The following CCSER1 variants were observed in gnomAD, a reference collection of about 807,000 sequenced individuals.
The protein encoded by CCSER1 is coiled-coil serine rich protein 1.
CCSER1 carries 41 observed loss-of-function variants against 82.0 expected under a neutral mutation model. The observed-to-expected ratio is 0.50, with a 90% CI of 0.39 to 0.65. CCSER1 has a LOEUF of 0.65. Ranked by LOEUF, CCSER1 falls within the 30% of genes least tolerant of loss-of-function variation. CCSER1 has a pLI of 0.00. For synonymous variants in CCSER1, 414 were observed against 383.9 expected (o/e 1.08, Z -0.92); for missense variants, 1,119 against 1,064.2 (o/e 1.05, Z -0.72).
intron 6 of CCSER1, among the ~76,000 whole-genome samples, chr4:90,675,068 T>C (rs927687366): frequency 1.3e-5 from 2 of 152,036 alleles, no homozygotes; most frequent in Non-Finnish European, 2.9e-5. Context: ...ACTATCATCA[T>C]TGTGACCTTG....
intron 8 of CCSER1, chr4:90,911,264 A>G (rs758361757): frequency 3.7e-5 from 17 of 455,976 alleles, no homozygotes; most frequent in Admixed American, 1.6e-4. Context: ...GCTCCCGAAA[A>G]TTTTGTGTTC....
At chr4:90,244,371 C>G (rs1333875232) in intron 1 of CCSER1, among the ~76,000 whole-genome samples, 1 of 152,084 alleles carries the variant, frequency 6.6e-6, no homozygotes, top group East Asian at 1.9e-4. Flanking sequence ...ACAAATGGTC[C>G]AGCATTAGAA....
intron 1 of CCSER1, among the ~76,000 whole-genome samples, chr4:90,257,675 C>T (rs1016836775): frequency 4.6e-5 from 7 of 152,056 alleles, no homozygotes; most frequent in Admixed American, 2.6e-4. Context: ...TTGGCTCACA[C>T]GATTATGGAG....
At chr4:90,617,633 C>T (rs908124534) in intron 5 of CCSER1, among the ~76,000 whole-genome samples, 1 of 152,122 alleles carries the variant, frequency 6.6e-6, no homozygotes, top group Non-Finnish European at 1.5e-5. Flanking sequence ...CAGCTTCTAA[C>T]TTATCTAACC....
intron 7 of CCSER1, among the ~76,000 whole-genome samples, chr4:90,800,145 G>A (rs1456820613): frequency 1.3e-5 from 2 of 152,152 alleles, no homozygotes; most frequent in South Asian, 4.1e-4. Flanking sequence ...GGAGGTTTAG[G>A]TAGATAAATA....
chr4:91,534,600 T>C (rs1761205225), intron 10 of CCSER1, among the ~76,000 whole-genome samples: 1 of 152,010 alleles, frequency 6.6e-6, no homozygotes, highest in Non-Finnish European at 1.5e-5. Flanking sequence ...ATTCTATAAG[T>C]GTTGCTACTG....
rs543979725 is a variant in CCSER1, at chr4:90,277,238, A to G, written c.-41-31006A>G. ...TATAGTTAAAATGGTCATACTGCCC[A>G]GAGCAATTTATGGACTTAATGCATT... is the stretch of plus-strand genomic sequence containing the variant. On this transcript the variant is annotated intron_variant, in intron 1 of 10. Transcript: ENST00000509176. Among the ~76,000 whole-genome samples the G allele has an allele frequency of 3.3e-5, 5 of 152,300 alleles. No homozygotes were observed. The East Asian group carries it at 7.7e-4, about 24-fold the overall frequency.
chr4:90,369,492 T>G (rs2153523541), intron 3 of CCSER1, among the ~76,000 whole-genome samples: 1 of 152,000 alleles, frequency 6.6e-6, no homozygotes, highest in East Asian at 1.9e-4. Context: ...AAAAGAACAT[T>G]AGAATACATG....
At chr4:90,383,985 T>A (rs1044993906) in intron 3 of CCSER1, among the ~76,000 whole-genome samples, 1 of 151,572 alleles carries the variant, frequency 6.6e-6, no homozygotes, top group Admixed American at 6.6e-5. Context: ...CTGCGCTTGA[T>A]CTCCTGGGCT....
intron 6 of CCSER1, among the ~76,000 whole-genome samples, chr4:90,651,744 C>A (rs1728791097): frequency 6.6e-6 from 1 of 152,066 alleles, no homozygotes; most frequent in African/African-American, 2.4e-5. Flanking sequence ...AGCGTTCCCC[C>A]TCTAGGACAG....
At chr4:91,367,338 A>G (rs1186827619) in intron 10 of CCSER1, among the ~76,000 whole-genome samples, 1 of 145,102 alleles carries the variant, frequency 6.9e-6, no homozygotes, top group Non-Finnish European at 1.5e-5. Flanking sequence ...AAAAAAAAAA[A>G]GTTAAAATAT....
chr4:90,804,731 C>G (rs982821720), intron 7 of CCSER1, among the ~76,000 whole-genome samples: 2 of 152,124 alleles, frequency 1.3e-5, no homozygotes, highest in Non-Finnish European at 2.9e-5. Context: ...ATTCCAAATA[C>G]AGGCAAAATG....
chr4:90,718,220 A>G (rs893017603), intron 6 of CCSER1, among the ~76,000 whole-genome samples: 1 of 152,250 alleles, frequency 6.6e-6, no homozygotes, highest in Admixed American at 6.5e-5. Flanking sequence ...ATTTAATTTT[A>G]TTAGGTCTAG....
At chr4:90,320,606 G>A (rs182447752) in intron 3 of CCSER1, among the ~76,000 whole-genome samples, 48 of 152,070 alleles carry the variant, frequency 3.2e-4, no homozygotes, top group Non-Finnish European at 5.6e-4. Context: ...TAATATCTTG[G>A]TCAAATATGG....
chr4:90,284,199 G>C (rs1302175655), intron 1 of CCSER1, among the ~76,000 whole-genome samples: 1 of 151,834 alleles, frequency 6.6e-6, no homozygotes, highest in Non-Finnish European at 1.5e-5. Context: ...ATTTATTTGA[G>C]TTCCTTATGT....
intron 6 of CCSER1, among the ~76,000 whole-genome samples, chr4:90,634,722 A>C (rs1725111283): frequency 6.6e-6 from 1 of 151,868 alleles, no homozygotes; most frequent in African/African-American, 2.4e-5. Context: ...AGAAATATCC[A>C]AATCAAGCAA....
At chr4:90,932,980 A>AAGAAAGAAAGAAAGAG (rs1730218042) in intron 9 of CCSER1, among the ~76,000 whole-genome samples, 1 of 21,940 alleles carries the variant, frequency 4.6e-5, no homozygotes, top group Non-Finnish European at 8.5e-5. Flanking sequence ...GAAAGAAAGA[A>AAGAAAGAAAGAAAGAG]AGAGAAAGAA....
intron 5 of CCSER1, among the ~76,000 whole-genome samples, chr4:90,511,213 A>G (rs532879315): frequency 4.9e-4 from 75 of 152,156 alleles, no homozygotes; most frequent in African/African-American, 1.5e-3. Flanking sequence ...AGGTCAAGAG[A>G]TTGAGACCAT....
Position 91,599,151 on chromosome 4 carries a change from C to A in CCSER1, c.*94C>A. ...TAAAATTGTCATGTACTTTTTCTTACATTTTAGTTATAAACAGAGTTGTGT... is the reference window on the plus strand; with the variant it reads ...TAAAATTGTCATGTACTTTTTCTTAAATTTTAGTTATAAACAGAGTTGTGT... On this transcript the variant is annotated 3_prime_UTR_variant, in exon 11 of 11. Transcript: ENST00000509176. 7.4e-7 allele frequency: 1 copy of A among 1,357,660 alleles called. No individual in the cohort carries two copies. The highest frequency in any genetic ancestry group is 9.7e-7 in the Non-Finnish European group (1 of 1,026,124). 84.1% of individuals were successfully genotyped at this position (1,357,660 alleles called of 1,614,324 possible). A position where few individuals can be genotyped will look rare whatever the true frequency, so the allele number is the denominator to read the frequency against.
Sources: gnomAD v4.1 joint callset for allele counts (sites outside exome capture counted in the v4.1 genomes callset) on GRCh38, gnomAD v4.1.1 for gene constraint, MANE v1.5 for transcripts, NCBI Gene and HGNC (gene_info 2026-07-23, HGNC 2026-07-21) for gene names.